The following ADAMTS17 variants were observed in gnomAD, a reference collection of about 807,000 sequenced individuals.
The protein encoded by ADAMTS17 is A disintegrin and metalloproteinase with thrombospondin motifs 17.
In ADAMTS17, 113 loss-of-function variants were observed where a neutral mutation model predicts 141.5. The ratio of observed to expected loss-of-function variants is 0.80; its 90% CI spans 0.69 to 0.93. The LOEUF (loss-of-function observed/expected upper bound fraction) is 0.93. Among genes scored for constraint, ADAMTS17 ranks in the 40% least tolerant of loss-of-function variants. ADAMTS17 has a pLI of 0.00. For synonymous variants in ADAMTS17, 768 were observed against 630.6 expected (o/e 1.22, Z -3.27); for missense variants, 1,659 against 1,517.9 (o/e 1.09, Z -1.54).
chr15:100,078,837 C>A (rs2141797108), intron 15 of ADAMTS17, among the ~76,000 whole-genome samples: 1 of 152,232 alleles, frequency 6.6e-6, no homozygotes, highest in East Asian at 1.9e-4. Flanking sequence ...GGAACTGCAT[C>A]CAGAATATAT....
At chr15:100,211,550 TTATGTTCC>T (rs1311006801) in intron 7 of ADAMTS17, among the ~76,000 whole-genome samples, 1 of 152,168 alleles carries the variant, frequency 6.6e-6, no homozygotes, top group African/African-American at 2.4e-5. Flanking sequence ...GTGGAGGTCT[TTATGTTCC>T]TAGAGTAGCA....
chr15:100,251,648 C>T (rs948615609), intron 7 of ADAMTS17, among the ~76,000 whole-genome samples: 8 of 152,088 alleles, frequency 5.3e-5, no homozygotes, highest in Non-Finnish European at 1.0e-4. Context: ...TGGCAGAACC[C>T]GGGAGCCAGA....
intron 6 of ADAMTS17, among the ~76,000 whole-genome samples, chr15:100,258,174 G>A (rs1260339065): frequency 6.6e-6 from 1 of 152,202 alleles, no homozygotes. Flanking sequence ...ATGTTGCTGT[G>A]AACATGAGTG....
At chr15:100,208,096 T>G (rs2041649047) in intron 7 of ADAMTS17, among the ~76,000 whole-genome samples, 1 of 152,108 alleles carries the variant, frequency 6.6e-6, no homozygotes. Context: ...TCTGGAAGCT[T>G]CCAGGTCTGT....
rs747343009 is a variant in ADAMTS17, at chr15:99,974,142, G to T, written c.*260C>A. On this transcript the variant is annotated 3_prime_UTR_variant, in exon 22 of 22. Transcript: ENST00000268070. The stretch of plus-strand genomic sequence containing the variant: ...TTGTCTGCCAGAGGTGCTTCCCTTC[G>T]AGGTACCTGAAATCCTAGAAATTGA... 1 of 537,382 alleles carries T rather than the reference G, an allele frequency of 1.9e-6. No individual in the cohort carries two copies. Among genetic ancestry groups the T allele is most frequent in the Admixed American group, 3.1e-5 (1 of 31,992 alleles). 33.3% of individuals were successfully genotyped at this position (537,382 alleles called of 1,614,324 possible).
intron 20 of ADAMTS17, 93 bp from the exon 21 acceptor site, chr15:99,976,315 C>G: frequency 6.8e-7 from 1 of 1,479,362 alleles, no homozygotes; most frequent in Non-Finnish European, 9.1e-7. Flanking sequence ...ACAGGACAGC[C>G]TGAGTGGGGG....
At chr15:100,252,688 A>C (rs2043190693) in intron 7 of ADAMTS17, among the ~76,000 whole-genome samples, 1 of 152,146 alleles carries the variant, frequency 6.6e-6, no homozygotes, top group Admixed American at 6.5e-5. Flanking sequence ...CCAGGGAAGC[A>C]TCCTTCACAC....
At chr15:100,324,565 C>T (rs190249939) in intron 3 of ADAMTS17, among the ~76,000 whole-genome samples, 39 of 152,204 alleles carry the variant, frequency 2.6e-4, no homozygotes, top group African/African-American at 7.2e-4. Context: ...CACCAGAGTC[C>T]GGAGGGTCAG....
rs577909259 is a variant in ADAMTS17, at chr15:100,196,041, T to TA, written c.1181+3276dup. 4.5e-4 allele frequency among the ~76,000 whole-genome samples: 69 copies of TA among 152,290 alleles called. No individual in the cohort carries two copies. The East Asian group carries it at 0.012, about 27-fold the overall frequency. On this transcript the variant is annotated intron_variant, in intron 8 of 21. Transcript: ENST00000268070. Reference sequence around the variant, plus strand: ...AGCATCTCACACAGTACCCTGCACATAGTAGGTGTTCAATAAACAAGAGCT... The same window carrying TA: ...AGCATCTCACACAGTACCCTGCACATAAGTAGGTGTTCAATAAACAAGAGCT...
intron 7 of ADAMTS17, among the ~76,000 whole-genome samples, chr15:100,208,256 C>T (rs2041656082): frequency 6.6e-6 from 1 of 152,230 alleles, no homozygotes; most frequent in African/African-American, 2.4e-5. Flanking sequence ...AACAGGCATT[C>T]CGGGTGTGCA....
At chr15:100,292,143 C>CACGAGACACGCTCACCCCGTGGGAAACT (rs1445903358) in intron 3 of ADAMTS17, among the ~76,000 whole-genome samples, 1 of 131,868 alleles carries the variant, frequency 7.6e-6, no homozygotes, top group Non-Finnish European at 1.6e-5. Flanking sequence ...CGTGGGGAGT[C>CACGAGACACGCTCACCCCGTGGGAAACT]ACGAGACACG....
At chr15:99,991,636 C>G (rs1425768211) in intron 20 of ADAMTS17, among the ~76,000 whole-genome samples, 1 of 152,030 alleles carries the variant, frequency 6.6e-6, no homozygotes, top group African/African-American at 2.4e-5. Flanking sequence ...GATCTAGAAC[C>G]AGAAATACCA....
At chr15:100,197,066 T>C (rs1253911206) in intron 8 of ADAMTS17, among the ~76,000 whole-genome samples, 2 of 152,228 alleles carry the variant, frequency 1.3e-5, no homozygotes, top group African/African-American at 4.8e-5. Context: ...TGTGTTTGAA[T>C]CTAACCATTC....
At chr15:100,034,513 A>T (rs2030510532) in intron 18 of ADAMTS17, among the ~76,000 whole-genome samples, 1 of 152,208 alleles carries the variant, frequency 6.6e-6, no homozygotes, top group Non-Finnish European at 1.5e-5. Flanking sequence ...TCACCTGAAG[A>T]GCACAGTGAG....
intron 7 of ADAMTS17, among the ~76,000 whole-genome samples, chr15:100,223,498 G>A (rs928508579): frequency 1.3e-5 from 2 of 152,106 alleles, no homozygotes; most frequent in African/African-American, 4.8e-5. Flanking sequence ...CACGGGGGCA[G>A]AAGCTGGATA....
chr15:100,239,668 G>A (rs2042769258), intron 7 of ADAMTS17, among the ~76,000 whole-genome samples: 1 of 152,188 alleles, frequency 6.6e-6, no homozygotes, highest in Non-Finnish European at 1.5e-5. Flanking sequence ...CGTCTAATGA[G>A]CCACCAGGCT....
At chr15:100,040,119 G>A (rs1036732431) in intron 18 of ADAMTS17, among the ~76,000 whole-genome samples, 1 of 152,192 alleles carries the variant, frequency 6.6e-6, no homozygotes, top group Non-Finnish European at 1.5e-5. Context: ...TCTGTGGACT[G>A]TTCATTGCTG....
At chr15:100,185,395 C>A (rs537162899) in intron 8 of ADAMTS17, among the ~76,000 whole-genome samples, 1 of 152,318 alleles carries the variant, frequency 6.6e-6, no homozygotes, top group African/African-American at 2.4e-5. Context: ...ACAGTGTGCA[C>A]TGCTCAGATC....
intron 15 of ADAMTS17, among the ~76,000 whole-genome samples, chr15:100,065,607 T>G (rs1196576885): frequency 6.6e-6 from 1 of 152,210 alleles, no homozygotes; most frequent in Non-Finnish European, 1.5e-5. Flanking sequence ...CTCGTGTAAT[T>G]CATGATGTCA....
Sources: gnomAD v4.1 joint callset for allele counts (sites outside exome capture counted in the v4.1 genomes callset) on GRCh38, gnomAD v4.1.1 for gene constraint, MANE v1.5 for transcripts, NCBI Gene and HGNC (gene_info 2026-07-23, HGNC 2026-07-21) for gene names.